Variants in ANK3 observed in about 807,000 individuals in gnomAD.
The protein encoded by ANK3 is ankyrin-3.
Under a neutral mutation model 370.9 loss-of-function variants are expected in ANK3, and 57 were observed. The observed-to-expected ratio is 0.15, with a 90% CI of 0.12 to 0.19. The LOEUF is 0.19. Among genes scored for constraint, ANK3 ranks in the 10% least tolerant of loss-of-function variants. ANK3 has a pLI of 1.00. For synonymous variants in ANK3, 1,929 were observed against 1,946.3 expected, an observed-to-expected ratio of 0.99 and a Z score of 0.23; for missense variants, 4,439 against 5,302.1, an observed-to-expected ratio of 0.84 and a Z score of 5.06.
chr10:60,287,296 A>T (rs1477447885), intron 1 of ANK3, among the ~76,000 whole-genome samples: 10 of 152,112 alleles, frequency 6.6e-5, no homozygotes, highest in Admixed American at 4.6e-4. Flanking sequence ...CTAACTTCTT[A>T]GCTTTCCCTA....
chr10:60,029,583 T>C lies in ANK3; in HGVS notation c.*263A>G, dbSNP rs536377678. 1 of 152,746 alleles carries C rather than the reference T, an allele frequency of 6.5e-6. No individual in the cohort carries two copies. Among genetic ancestry groups the C allele is most frequent in the South Asian group, 2.1e-4 (1 of 4,820 alleles). 9.5% of individuals were successfully genotyped at this position (152,746 alleles called of 1,614,324 possible). ...ACTGTTAACAGCATGGCTTCTTGTA[T>C]ATACACTGCATTGCTAATTGCACAC... On this transcript the variant is annotated 3_prime_UTR_variant, in exon 44 of 44. Transcript: ENST00000280772.
chr10:60,693,287 T>C (rs1470600702), intron 1 of ANK3, among the ~76,000 whole-genome samples: 1 of 152,186 alleles, frequency 6.6e-6, no homozygotes, highest in Non-Finnish European at 1.5e-5. Context: ...GCTAGCAGTC[T>C]GAGATCAAAC....
At chr10:60,587,011 G>T (rs1013055543) in intron 2 of ANK3, among the ~76,000 whole-genome samples, 1 of 152,096 alleles carries the variant, frequency 6.6e-6, no homozygotes, top group Non-Finnish European at 1.5e-5. Flanking sequence ...AATTTATAAA[G>T]GAAAGATGCT....
chr10:60,289,904 C>T (rs1277944663), intron 1 of ANK3, among the ~76,000 whole-genome samples: 1 of 152,164 alleles, frequency 6.6e-6, no homozygotes, highest in African/African-American at 2.4e-5. Flanking sequence ...GCCCATTCTT[C>T]TGTGTTTAAG....
intron 2 of ANK3, among the ~76,000 whole-genome samples, chr10:60,563,798 T>A (rs2077395976): frequency 6.6e-6 from 1 of 152,196 alleles, no homozygotes; most frequent in Non-Finnish European, 1.5e-5. Context: ...TAAATTTATA[T>A]CATGTTTTTT....
chr10:60,407,370 C>A (rs915313654), intron 2 of ANK3, among the ~76,000 whole-genome samples: 1 of 152,142 alleles, frequency 6.6e-6, no homozygotes, highest in African/African-American at 2.4e-5. Context: ...AATTTATTCT[C>A]CTCTACAGAA....
At chr10:60,497,288 T>TA (rs1307291977) in intron 2 of ANK3, among the ~76,000 whole-genome samples, 1 of 152,030 alleles carries the variant, frequency 6.6e-6, no homozygotes, top group East Asian at 1.9e-4. Context: ...ACCCTGTCTT[T>TA]AAAAAAAGAA....
At chr10:60,112,958 C>A (rs531987477) in intron 26 of ANK3, among the ~76,000 whole-genome samples, 1 of 152,170 alleles carries the variant, frequency 6.6e-6, no homozygotes, top group South Asian at 2.1e-4. Flanking sequence ...TTGAGATATT[C>A]ATCATTTTAA....
rs868627371 is a variant in ANK3 at position 60,261,791 on chromosome 10, T to C, written c.798+68A>G. ...GAGAAAATTTGTCCCAACATCCTCA[T>C]GTTGGGGAAAGAGAGTATAAAATAG... On this transcript the variant is annotated intron_variant, in intron 7 of 43. Coordinates refer to ENST00000280772, the MANE Select transcript of ANK3 (RefSeq NM_020987.5). 16 of 1,396,128 alleles carry C rather than the reference T, an allele frequency of 1.1e-5. No homozygotes were observed. In the Middle Eastern group the frequency reaches 5.5e-4, roughly 48 times the overall value. The allele number at this position is 1,396,128 out of a possible 1,614,324, so 86.5% of individuals were successfully genotyped here. A position where few individuals can be genotyped will look rare whatever the true frequency, so the allele number is the denominator to read the frequency against.
chr10:60,313,225 T>C (rs1038964935), intron 1 of ANK3, among the ~76,000 whole-genome samples: 18 of 152,230 alleles, frequency 1.2e-4, no homozygotes, highest in South Asian at 2.1e-4. Flanking sequence ...TCAACACCAC[T>C]GTCGAAGAGA....
chr10:60,633,584 T>C (rs1276996950), intron 1 of ANK3, among the ~76,000 whole-genome samples: 2 of 152,170 alleles, frequency 1.3e-5, no homozygotes, highest in Non-Finnish European at 2.9e-5. Flanking sequence ...ATACAAAATG[T>C]GGTCATGATT....
intron 5 of ANK3, among the ~76,000 whole-genome samples, chr10:60,268,930 T>A (rs973352619): frequency 3.3e-5 from 5 of 152,226 alleles, no homozygotes. Flanking sequence ...TGTTTGTGTA[T>A]GTTTTCTGTG....
At chr10:60,595,522 C>A (rs2077975757) in intron 2 of ANK3, among the ~76,000 whole-genome samples, 2 of 152,066 alleles carry the variant, frequency 1.3e-5, no homozygotes, top group South Asian at 4.1e-4. Flanking sequence ...CTGAAAAATG[C>A]CTCGAACACC....
At chr10:60,349,377 T>G (rs762910004) in intron 1 of ANK3, among the ~76,000 whole-genome samples, 1 of 152,160 alleles carries the variant, frequency 6.6e-6, no homozygotes, top group Non-Finnish European at 1.5e-5. Context: ...AATTCAAAAC[T>G]GAAGCAAATA....
chr10:60,193,902 C>T (rs1018272193), intron 16 of ANK3, among the ~76,000 whole-genome samples: 2 of 152,158 alleles, frequency 1.3e-5, no homozygotes, highest in African/African-American at 4.8e-5. Flanking sequence ...AGGAGGATCA[C>T]TTGAGGTTGC....
intron 14 of ANK3, among the ~76,000 whole-genome samples, chr10:60,197,817 C>T (rs1156878221): frequency 6.6e-6 from 1 of 152,112 alleles, no homozygotes; most frequent in Non-Finnish European, 1.5e-5. Flanking sequence ...ACATGCAGAA[C>T]AACTGTTTAT....
intron 2 of ANK3, among the ~76,000 whole-genome samples, chr10:60,586,390 T>C (rs529185706): frequency 6.6e-6 from 1 of 152,290 alleles, no homozygotes; most frequent in South Asian, 2.1e-4. Context: ...TATGGACCAG[T>C]GACAGCTGTG....
At chr10:60,084,486 A>G in intron 32 of ANK3, 116 bp downstream of exon 32, 2 of 615,666 alleles carry the variant, frequency 3.2e-6, no homozygotes, top group South Asian at 3.3e-5. Context: ...TTTTTAAAGT[A>G]AAAGTAAAAT....
chr10:60,286,663 T>C (rs1165118773), intron 1 of ANK3, among the ~76,000 whole-genome samples: 2 of 152,232 alleles, frequency 1.3e-5, no homozygotes, highest in Non-Finnish European at 2.9e-5. Context: ...TTCTAGTTAA[T>C]TGCATTTCAA....
Sources: gnomAD v4.1 joint callset for allele counts (sites outside exome capture counted in the v4.1 genomes callset) on GRCh38, gnomAD v4.1.1 for gene constraint, MANE v1.5 for transcripts, NCBI Gene and HGNC (gene_info 2026-07-23, HGNC 2026-07-21) for gene names.